The following TMEM117 variants were observed in gnomAD, a reference collection of about 807,000 sequenced individuals.
The protein encoded by TMEM117 is transmembrane protein 117.
Under a neutral mutation model 52.4 loss-of-function variants are expected in TMEM117, and 27 were observed. That is an observed-to-expected ratio of 0.51 (90% CI 0.38 to 0.71). The LOEUF is 0.71. Among genes scored for constraint, TMEM117 ranks in the 30% least tolerant of loss-of-function variants. The pLI, the probability that TMEM117 is intolerant of heterozygous loss-of-function variation, is 0.00. For missense variants in TMEM117, 556 were observed against 630.5 expected (o/e 0.88, Z 1.26); for synonymous variants, 215 against 206.3 (o/e 1.04, Z -0.36).
At chr12:44,134,110 A>G (rs1180582861) in intron 3 of TMEM117, among the ~76,000 whole-genome samples, 8 of 152,172 alleles carry the variant, frequency 5.3e-5, no homozygotes, top group Admixed American at 6.5e-5. Flanking sequence ...CTAGCTTTTC[A>G]TCTATTCAGT....
At chr12:44,220,187 T>G (rs1049219998) in intron 5 of TMEM117, among the ~76,000 whole-genome samples, 1 of 152,184 alleles carries the variant, frequency 6.6e-6, no homozygotes, top group Non-Finnish European at 1.5e-5. Flanking sequence ...ACAACTGTAT[T>G]CTAGTTGGTA....
chr12:44,381,564 G>A (rs1260742652), intron 7 of TMEM117, among the ~76,000 whole-genome samples: 1 of 152,186 alleles, frequency 6.6e-6, no homozygotes, highest in African/African-American at 2.4e-5. Context: ...AAGGCCAGAA[G>A]GAAGGCCTGT....
chr12:43,890,048 G>A (rs934804597), intron 2 of TMEM117, among the ~76,000 whole-genome samples: 4 of 152,154 alleles, frequency 2.6e-5, no homozygotes, highest in Non-Finnish European at 5.9e-5. Context: ...AGATCAGTCA[G>A]CTGACAATCT....
At chr12:44,133,490 C>T (rs979060180) in intron 3 of TMEM117, among the ~76,000 whole-genome samples, 2 of 152,128 alleles carry the variant, frequency 1.3e-5, no homozygotes, top group Admixed American at 6.5e-5. Flanking sequence ...TTCTTCTCTC[C>T]TCTCTTTTCC....
At chr12:43,898,365 TATTAATAATATATATTA>T (rs200320707) in intron 2 of TMEM117, among the ~76,000 whole-genome samples, 4,036 of 147,888 alleles carry the variant, frequency 0.027, 60 homozygotes, top group Middle Eastern at 0.075. Context: ...TAATATATAT[TATTAATAATATATATTA>T]ATTAATAATA....
At chr12:43,815,540 C>T in the TMEM117 span, among the ~76,000 whole-genome samples, 25 of 152,148 alleles carry the variant, frequency 1.6e-4, no homozygotes, top group African/African-American at 5.5e-4. Context: ...GGCAGCCTGG[C>T]GATAAAATAC....
chr12:43,818,598 G>A, the TMEM117 span, among the ~76,000 whole-genome samples: 1 of 152,012 alleles, frequency 6.6e-6, no homozygotes, highest in Non-Finnish European at 1.5e-5. Flanking sequence ...GTGCCATTAT[G>A]CCCAGCTAAT....
At chr12:44,215,084 G>A (rs1453952820) in intron 5 of TMEM117, among the ~76,000 whole-genome samples, 1 of 152,098 alleles carries the variant, frequency 6.6e-6, no homozygotes. Flanking sequence ...CTTTAGTTAA[G>A]GAAAGAGCGA....
chr12:44,163,402 A>G (rs987545644), intron 4 of TMEM117, among the ~76,000 whole-genome samples: 4 of 152,176 alleles, frequency 2.6e-5, no homozygotes, highest in Admixed American at 6.5e-5. Context: ...ACATTTATTT[A>G]GTAATAATAT....
At chr12:44,394,207 G>A (rs149793879), downstream of TMEM117, among the ~76,000 whole-genome samples, 40 of 152,228 alleles carry the variant, frequency 2.6e-4, no homozygotes, top group African/African-American at 8.9e-4. Context: ...TTCCCTTGAC[G>A]TGATGAGCCC....
the TMEM117 span, among the ~76,000 whole-genome samples, chr12:43,813,190 A>G: frequency 7.5e-6 from 1 of 132,678 alleles, no homozygotes; most frequent in Admixed American, 7.9e-5. Flanking sequence ...TCATGATCCT[A>G]GGTGCTATTT....
chr12:44,102,928 C>T (rs1024553560), intron 3 of TMEM117, among the ~76,000 whole-genome samples: 1 of 151,974 alleles, frequency 6.6e-6, no homozygotes, highest in African/African-American at 2.4e-5. Context: ...CCCTCCTTTG[C>T]TCTGCACTTT....
chr12:44,191,194 T>A (rs992668465), intron 4 of TMEM117, among the ~76,000 whole-genome samples: 20 of 151,774 alleles, frequency 1.3e-4, no homozygotes, highest in South Asian at 2.1e-4. Context: ...ATCCATCAGA[T>A]CTCTTGAGAA....
chr12:44,173,310 C>T (rs1592579369), intron 4 of TMEM117, among the ~76,000 whole-genome samples: 1 of 152,322 alleles, frequency 6.6e-6, no homozygotes, highest in African/African-American at 2.4e-5. Flanking sequence ...CTCCTGAGCT[C>T]AGGCAATCCA....
intron 7 of TMEM117, among the ~76,000 whole-genome samples, chr12:44,381,929 A>G (rs954433626): frequency 1.1e-4 from 17 of 152,144 alleles, no homozygotes; most frequent in Non-Finnish European, 1.6e-4. Context: ...GGGACTCGTT[A>G]TAAGGAAATG....
intron 5 of TMEM117, among the ~76,000 whole-genome samples, chr12:44,249,718 C>A (rs779555066): frequency 3.9e-5 from 6 of 152,126 alleles, no homozygotes; most frequent in Non-Finnish European, 7.4e-5. Context: ...CTTCAACAAA[C>A]CATGTAAAAA....
At chr12:43,821,767 GTTAT>G in the TMEM117 span, among the ~76,000 whole-genome samples, 1 of 152,322 alleles carries the variant, frequency 6.6e-6, no homozygotes, top group South Asian at 2.1e-4. Flanking sequence ...TTCTGTTTGT[GTTAT>G]ACTTCAAATG....
chr12:43,838,315 T>C (rs1943064656), intron 1 of TMEM117, among the ~76,000 whole-genome samples: 1 of 151,950 alleles, frequency 6.6e-6, no homozygotes, highest in South Asian at 2.1e-4. Flanking sequence ...TATAAGACTT[T>C]TCATACCCCT....
chr12:43,817,050 C>G, the TMEM117 span, among the ~76,000 whole-genome samples: 1 of 152,168 alleles, frequency 6.6e-6, no homozygotes, highest in African/African-American at 2.4e-5. Context: ...GATGTAGGGC[C>G]TTTGAAAGGC....
Sources: gnomAD v4.1 joint callset for allele counts (sites outside exome capture counted in the v4.1 genomes callset) on GRCh38, gnomAD v4.1.1 for gene constraint, MANE v1.5 for transcripts, NCBI Gene and HGNC (gene_info 2026-07-23, HGNC 2026-07-21) for gene names.